Variants in DNAAF5 observed in about 807,000 individuals in gnomAD.
The protein encoded by DNAAF5 is HEAT repeat containing 2.
In DNAAF5, 64 loss-of-function variants were observed where a neutral mutation model predicts 75.8. The observed-to-expected ratio is 0.84, with a 90% confidence interval of 0.69 to 1.04. DNAAF5 has a LOEUF of 1.04. DNAAF5 is among the 50% of genes least tolerant of loss of function. The pLI is 0.00. For synonymous variants in DNAAF5, 657 were observed against 557.2 expected (o/e 1.18, Z -2.52); for missense variants, 1,269 against 1,178.5 (o/e 1.08, Z -1.12).
chr7:767,827 G>C (rs1452026291), intron 8 of DNAAF5, among the ~76,000 whole-genome samples: 4 of 150,900 alleles, frequency 2.7e-5, no homozygotes, highest in Non-Finnish European at 5.9e-5. Context: ...ACGTGGTCCG[G>C]GTGGAAGTGT....
At chr7:729,093 T>G (rs1358088489) in intron 1 of DNAAF5, among the ~76,000 whole-genome samples, 1 of 149,342 alleles carries the variant, frequency 6.7e-6, no homozygotes, top group Non-Finnish European at 1.5e-5. Context: ...GCCTCCTGAG[T>G]TCAAGCGATT....
intron 11 of DNAAF5, among the ~76,000 whole-genome samples, chr7:776,718 T>C (rs1778772033): frequency 6.6e-6 from 1 of 151,808 alleles, no homozygotes; most frequent in Non-Finnish European, 1.5e-5. Context: ...CTGAACAGAG[T>C]CATGAATTCA....
chr7:727,201 G>A lies in DNAAF5; in HGVS notation c.481G>A (p.Ala161Thr). 1 of 1,345,666 alleles carries A rather than the reference G, an allele frequency of 7.4e-7. No homozygotes were observed. Among genetic ancestry groups the A allele is most frequent in the Admixed American group, 3.1e-5 (1 of 32,086 alleles). The allele number at this position is 1,345,666 out of a possible 1,614,324, so 83.4% of individuals were successfully genotyped here. A position where few individuals can be genotyped will look rare whatever the true frequency, so the allele number is the denominator to read the frequency against. ...LAVDLCGAAL[A>T]PHLDDALRAL... Reference sequence around the variant, plus strand: ...CGTGGACCTGTGCGGCGCCGCGCTCGCGCCCCACCTGGACGACGCTCTGCG... The same window carrying A: ...CGTGGACCTGTGCGGCGCCGCGCTCACGCCCCACCTGGACGACGCTCTGCG... The change falls in exon 1 of 13, where the codon GCG becomes ACG. Residue 161 changes from alanine (A) to threonine (T), a missense_variant. Coordinates refer to ENST00000297440, the MANE Select transcript of DNAAF5 (RefSeq NM_017802.4).
intron 4 of DNAAF5, among the ~76,000 whole-genome samples, chr7:751,718 G>A (rs1050604476): frequency 3.3e-5 from 5 of 151,626 alleles, no homozygotes; most frequent in South Asian, 2.1e-4. Flanking sequence ...GATTACAGGC[G>A]CTCGCCAGCA....
intron 12 of DNAAF5, among the ~76,000 whole-genome samples, chr7:784,011 G>C (rs1314611019): frequency 1.2e-5 from 1 of 85,628 alleles, no homozygotes; most frequent in Non-Finnish European, 2.3e-5. Context: ...CAGATGCCCT[G>C]TACGCCGCCC....
In DNAAF5 at chr7:774,990, T is replaced by G; in HGVS notation, c.2083-16T>G. ...GGACAGATGTGAGTCACGTCGTATG[T>G]GTTTGCTGATTGCAGATACGGGACG... is the stretch of plus-strand genomic sequence containing the variant. On this transcript the variant is annotated splice_polypyrimidine_tract_variant and intron_variant, in intron 10 of 12. Transcript: ENST00000297440. 1.2e-6 allele frequency: 2 copies of G among 1,613,572 alleles called. No homozygotes were observed. Among genetic ancestry groups the G allele is most frequent in the Non-Finnish European group, 1.7e-6 (2 of 1,179,802 alleles).
At chr7:774,408 G>C (rs555639578) in intron 10 of DNAAF5, among the ~76,000 whole-genome samples, 19 of 152,314 alleles carry the variant, frequency 1.2e-4, no homozygotes, top group East Asian at 1.2e-3. Flanking sequence ...GGGAGAGCGG[G>C]AGCCAGGCCG....
intron 11 of DNAAF5, among the ~76,000 whole-genome samples, chr7:776,408 T>C (rs968896427): frequency 2.0e-5 from 3 of 151,922 alleles, no homozygotes; most frequent in African/African-American, 7.3e-5. Flanking sequence ...CAAACAGCAA[T>C]GACAGATGAA....
At chr7:744,613 C>T (rs1184324370) in intron 4 of DNAAF5, among the ~76,000 whole-genome samples, 1 of 152,194 alleles carries the variant, frequency 6.6e-6, no homozygotes, top group Non-Finnish European at 1.5e-5. Context: ...GATACCATCT[C>T]ACACCAGTTA....
At chr7:765,925 C>G (rs1008919691) in intron 8 of DNAAF5, among the ~76,000 whole-genome samples, 6 of 152,106 alleles carry the variant, frequency 3.9e-5, no homozygotes, top group African/African-American at 1.4e-4. Context: ...AACTCCTGGG[C>G]TCAAGCGATC....
intron 2 of DNAAF5, 95 bp downstream of exon 2, chr7:729,942 G>A: frequency 3.3e-6 from 4 of 1,202,708 alleles, no homozygotes; most frequent in Non-Finnish European, 3.6e-6. Flanking sequence ...TTTTTTCAGA[G>A]TGCTGTATGC....
rs576429531 is a variant in DNAAF5 at position 776,251 on chromosome 7, G to A, written c.2239+1089G>A. The stretch of plus-strand genomic sequence containing the variant: ...CTCAGGAGGCTGAGGCAAGAGAATC[G>A]CTTCAACTCAGGAGGTGGAGGTTGC... On this transcript the variant is annotated intron_variant, in intron 11 of 12. Coordinates refer to ENST00000297440, the MANE Select transcript of DNAAF5 (RefSeq NM_017802.4). Among the ~76,000 whole-genome samples, 29 of 152,092 alleles carry A rather than the reference G, an allele frequency of 1.9e-4. No individual in the cohort carries two copies. In the East Asian group the frequency reaches 5.2e-3, roughly 27 times the overall value.
At chr7:735,548 TCA>T (rs1436235890) in intron 2 of DNAAF5, among the ~76,000 whole-genome samples, 2 of 152,216 alleles carry the variant, frequency 1.3e-5, no homozygotes, top group African/African-American at 4.8e-5. Flanking sequence ...GTGTAGCTGC[TCA>T]CAGTGTCGCT....
At chr7:757,853 C>T (rs533248153) in intron 6 of DNAAF5, among the ~76,000 whole-genome samples, 5 of 152,356 alleles carry the variant, frequency 3.3e-5, no homozygotes, top group African/African-American at 9.6e-5. Context: ...CGATCGTTTC[C>T]GGCGGCTTCT....
At chr7:738,395 T>C (rs1334603298) in intron 2 of DNAAF5, among the ~76,000 whole-genome samples, 1 of 152,190 alleles carries the variant, frequency 6.6e-6, no homozygotes, top group Non-Finnish European at 1.5e-5. Flanking sequence ...CACCTATCCC[T>C]GTCACCCCAG....
At chr7:743,348 C>T (rs1781980003) in intron 4 of DNAAF5, among the ~76,000 whole-genome samples, 1 of 150,510 alleles carries the variant, frequency 6.6e-6, no homozygotes, top group African/African-American at 2.4e-5. Flanking sequence ...GCACTCCAGC[C>T]TGGGTGACAG....
At chr7:756,710 G>A (rs531365378) in intron 5 of DNAAF5, 72 bp from the exon 6 acceptor site, 10 of 1,433,514 alleles carry the variant, frequency 7.0e-6, no homozygotes, top group East Asian at 2.3e-5. Flanking sequence ...GGGAGGCCAC[G>A]GCGCCGAGAG....
intron 12 of DNAAF5, among the ~76,000 whole-genome samples, chr7:784,694 T>C (rs548162971): frequency 7.2e-5 from 11 of 152,212 alleles, no homozygotes; most frequent in Non-Finnish European, 7.3e-5. Flanking sequence ...GTGTCGGTGA[T>C]GCCTGGCCCG....
chr7:739,311 C>A (rs968056090), intron 2 of DNAAF5, among the ~76,000 whole-genome samples: 1 of 152,222 alleles, frequency 6.6e-6, no homozygotes, highest in Non-Finnish European at 1.5e-5. Context: ...CCTGGATTAG[C>A]GTCGTGGCAG....
Sources: allele counts gnomAD v4.1 joint callset (sites outside exome capture counted in the v4.1 genomes callset), GRCh38; gene constraint gnomAD v4.1.1; transcripts MANE v1.5; gene names NCBI Gene and HGNC (gene_info 2026-07-23, HGNC 2026-07-21).